CHPF2: variants seen among roughly 807,000 people sequenced by gnomAD.
CHPF2 encodes the protein chondroitin polymerizing factor 2, non-catalytic subunit.
A neutral mutation model predicts 63.0 loss-of-function variants in CHPF2; 58 were observed. That is an observed-to-expected ratio of 0.92 (90% CI 0.75 to 1.15). The LOEUF (loss-of-function observed/expected upper bound fraction) is 1.15. Among genes scored for constraint, CHPF2 ranks in the 50% most tolerant of loss-of-function variants. CHPF2 has a pLI of 0.00. For missense variants in CHPF2, 1,045 were observed against 1,035.4 expected (o/e 1.01, Z -0.13); for synonymous variants, 442 against 438.0 (o/e 1.01, Z -0.11).
rs1175407392 is a variant in CHPF2 at position 151,232,753 on chromosome 7, C to T, written c.-1259C>T. ...CTTGGGCGTCCCTCCTGGTCCTGCG[C>T]TCGCGGCCTCGATGCTGTCTCTGGC... On this transcript the variant is annotated 5_prime_UTR_variant, in exon 1 of 4. Transcript: ENST00000035307. 6.6e-7 allele frequency: 1 copy of T among 1,508,760 alleles called. No individual in the cohort carries two copies. Among genetic ancestry groups the T allele is most frequent in the South Asian group, 1.2e-5 (1 of 82,280 alleles). The allele number at this position is 1,508,760 out of a possible 1,614,324, so 93.5% of individuals were successfully genotyped here. A position where few individuals can be genotyped will look rare whatever the true frequency, so the allele number is the denominator to read the frequency against.
chr7:151,237,465 C>CT lies in CHPF2; in HGVS notation c.1104dup (p.Arg369SerfsTer3), dbSNP rs1563633322. 12 of 1,613,988 alleles carry CT rather than the reference C, an allele frequency of 7.4e-6. No individual in the cohort carries two copies. Among genetic ancestry groups the CT allele is most frequent in the Non-Finnish European group, 9.3e-6 (11 of 1,179,990 alleles). The stretch of plus-strand genomic sequence containing the variant: ...CTCCCTGCTCCTTTCACACCACACT[C>CT]TCGCTTTGAGGTGCTGGGCTGGGAC... On this transcript the variant is annotated frameshift_variant, in exon 4 of 4. Coordinates refer to ENST00000035307, the MANE Select transcript of CHPF2 (RefSeq NM_019015.3). LOFTEE classifies it high-confidence loss of function.
chr7:151,233,065 G>A lies in CHPF2; in HGVS notation c.-947G>A, dbSNP rs1584852215. On this transcript the variant is annotated 5_prime_UTR_variant, in exon 1 of 4. Coordinates refer to ENST00000035307, the MANE Select transcript of CHPF2 (RefSeq NM_019015.3). ...GGAAGCTGGCCGCGCTTCTGTTTGC[G>A]TTCCCAGGACCCTGGCATTGTCTCT... 2 of 1,254,630 alleles carry A rather than the reference G, an allele frequency of 1.6e-6. No individual in the cohort carries two copies. Among genetic ancestry groups the A allele is most frequent in the Admixed American group, 4.2e-5 (1 of 23,574 alleles). The allele number at this position is 1,254,630 out of a possible 1,614,324, so 77.7% of individuals were successfully genotyped here.
At position 151,234,157 on chromosome 7, in the gene CHPF2, G is replaced by C. The variant is rs765312140; in HGVS notation, c.146G>C (p.Arg49Pro). ...EDPCVEAVGERGGPQNPDSRA... is the reference protein window; with the variant it reads ...EDPCVEAVGEPGGPQNPDSRA... The stretch of plus-strand genomic sequence containing the variant: ...CCCTGTGTCGAGGCTGTAGGGGAGC[G>C]AGGAGGGCCACAGAATCCAGATTCC... The change falls in exon 1 of 4, where the codon CGA becomes CCA. Residue 49 changes from arginine to proline, a missense_variant. Arg to Pro is a moderately radical substitution (Grantham distance 103). Coordinates refer to ENST00000035307, the MANE Select transcript of CHPF2 (RefSeq NM_019015.3). 2 of 1,613,686 alleles carry C rather than the reference G, an allele frequency of 1.2e-6. No homozygotes were observed. The highest frequency in any genetic ancestry group is 1.7e-6 in the Non-Finnish European group (2 of 1,179,802).
chr7:151,232,544 C>T lies in CHPF2; in HGVS notation c.-1468C>T, dbSNP rs926976375. The T allele has an allele frequency of 8.4e-5, 43 of 512,432 alleles. No individual in the cohort carries two copies. The highest frequency in any genetic ancestry group is 7.9e-4 in the African/African-American group (39 of 49,166). The allele number at this position is 512,432 out of a possible 1,614,324, so 31.7% of individuals were successfully genotyped here. ...GGCTGCAGCGGCGGAGCCGGCGCCT[C>T]AGCGGGCACTGGGGTCTGTTCCCCC... On this transcript the variant is annotated 5_prime_UTR_variant, in exon 1 of 4. Coordinates refer to ENST00000035307, the MANE Select transcript of CHPF2 (RefSeq NM_019015.3).
At position 151,232,510 on chromosome 7, in the gene CHPF2, G is replaced by A. The variant is rs1475418830; in HGVS notation, c.-1502G>A. The A allele has an allele frequency of 2.0e-6, 1 of 500,924 alleles. No individual in the cohort carries two copies. The highest frequency in any genetic ancestry group is 3.7e-5 in the East Asian group (1 of 27,268). The allele number at this position is 500,924 out of a possible 1,614,324, so 31.0% of individuals were successfully genotyped here. A position where few individuals can be genotyped will look rare whatever the true frequency, so the allele number is the denominator to read the frequency against. On this transcript the variant is annotated 5_prime_UTR_variant, in exon 1 of 4. Coordinates refer to ENST00000035307, the MANE Select transcript of CHPF2 (RefSeq NM_019015.3). ...AGGAAGCTGCGGACAGGGGCTGTGA[G>A]GTGGCAGCGGCTGCAGCGGCGGAGC... is the stretch of plus-strand genomic sequence containing the variant.
In CHPF2 at chr7:151,238,591, C is replaced by T. The variant is rs765193187; in HGVS notation, c.2229C>T (p.His743=). 46 of 1,612,862 alleles carry T rather than the reference C, an allele frequency of 2.9e-5. No homozygotes were observed. Among genetic ancestry groups the T allele is most frequent in the Non-Finnish European group, 3.5e-5 (41 of 1,179,474 alleles). The change falls in exon 4 of 4, where the codon CAC becomes CAT. Residue 743 remains histidine (H), a synonymous_variant. Coordinates refer to ENST00000035307, the MANE Select transcript of CHPF2 (RefSeq NM_019015.3). ...CSPRLSEELY[H]RCRLSNLEGL... Reference sequence around the variant, plus strand: ...CACGGCTCAGTGAAGAACTCTACCACCGCTGCCGCCTCAGCAACCTGGAGG... The same window carrying T: ...CACGGCTCAGTGAAGAACTCTACCATCGCTGCCGCCTCAGCAACCTGGAGG...
At position 151,235,470 on chromosome 7, in the gene CHPF2, A is replaced by G. The variant is rs558834669; in HGVS notation, c.686A>G (p.Tyr229Cys). The change falls in exon 2 of 4, where the codon TAC becomes TGC. Residue 229 changes from tyrosine (Y) to cysteine (C), a missense_variant. Physicochemically the swap from Tyr to Cys is radical, Grantham distance 194. Coordinates refer to ENST00000035307, the MANE Select transcript of CHPF2 (RefSeq NM_019015.3). ...QARYCHGGFG[Y>C]LLSRSLLLRL... ...CGGTACTGTCATGGGGGCTTTGGCT[A>G]CCTGTTGTCACGGAGTCTCCTGCTT... 7 of 1,611,788 alleles carry G rather than the reference A, an allele frequency of 4.3e-6. No individual in the cohort carries two copies. The highest frequency in any genetic ancestry group is 1.7e-5 in the Admixed American group (1 of 60,030).
intron 2 of CHPF2, 43 bp downstream of exon 2, chr7:151,235,655 T>TG (rs1338856306): frequency 6.5e-7 from 1 of 1,535,654 alleles, no homozygotes; most frequent in African/African-American, 1.4e-5. Context: ...GATAAGCTAG[T>TG]GGGGGATGAG....
Position 151,237,469 on chromosome 7 carries a change from C to G in CHPF2, c.1107C>G (p.Arg369=). Residue 369 remains arginine (R), a synonymous_variant, in exon 4 of 4, where the codon CGC becomes CGG. Transcript: ENST00000035307. ...CTGCTCCTTTCACACCACACTCTCG[C>G]TTTGAGGTGCTGGGCTGGGACTACT... ...GLPAPFTPHS[R]FEVLGWDYFT... 1 of 1,614,002 alleles carries G rather than the reference C, an allele frequency of 6.2e-7. No individual in the cohort carries two copies. Among genetic ancestry groups the G allele is most frequent in the South Asian group, 1.1e-5 (1 of 91,086 alleles).
In CHPF2 at chr7:151,232,800, T is replaced by G; in HGVS notation, c.-1212T>G. 1.3e-6 allele frequency: 2 copies of G among 1,501,972 alleles called. No homozygotes were observed. Among genetic ancestry groups the G allele is most frequent in the Non-Finnish European group, 1.8e-6 (2 of 1,132,134 alleles). 93.0% of individuals were successfully genotyped at this position (1,501,972 alleles called of 1,614,324 possible). On this transcript the variant is annotated 5_prime_UTR_variant, in exon 1 of 4. Transcript: ENST00000035307. The stretch of plus-strand genomic sequence containing the variant: ...TGGCGCGGCCTCCGCTCCCGCCGAC[T>G]GGCCTGAGAACGAGGTCTGTGCCCC...
chr7:151,237,031 A>C, intron 3 of CHPF2: 1 of 556,066 alleles, frequency 1.8e-6, no homozygotes, highest in Non-Finnish European at 3.4e-6. Flanking sequence ...GGTGGAGTGT[A>C]GATGAAAACA....
rs1216090154 is a variant in CHPF2 at position 151,233,324 on chromosome 7, T to C, written c.-688T>C. 2.0e-6 allele frequency: 2 copies of C among 986,514 alleles called. No individual in the cohort carries two copies. The highest frequency in any genetic ancestry group is 1.7e-5 in the African/African-American group (1 of 57,268). 61.1% of individuals were successfully genotyped at this position (986,514 alleles called of 1,614,324 possible). A position where few individuals can be genotyped will look rare whatever the true frequency, so the allele number is the denominator to read the frequency against. ...CTACCTCATTCGGGTGGGCAGAACT[T>C]ATGTGTGCCATGCGAGTGGCTCCAG... On this transcript the variant is annotated 5_prime_UTR_variant, in exon 1 of 4. Transcript: ENST00000035307.
At chr7:151,236,372 T>C (rs369796447) in intron 2 of CHPF2, 36 bp from the exon 3 acceptor site, 6 of 1,527,224 alleles carry the variant, frequency 3.9e-6, no homozygotes, top group Non-Finnish European at 5.3e-6. Flanking sequence ...TGGCAGCTCT[T>C]GTGTGTGTCA....
rs1368015640 is a variant in CHPF2, at chr7:151,233,352, C to T, written c.-660C>T. The T allele has an allele frequency of 1.0e-6, 1 of 985,928 alleles. No individual in the cohort carries two copies. Among genetic ancestry groups the T allele is most frequent in the African/African-American group, 1.7e-5 (1 of 57,274 alleles). 61.1% of individuals were successfully genotyped at this position (985,928 alleles called of 1,614,324 possible). On this transcript the variant is annotated 5_prime_UTR_variant, in exon 1 of 4. Coordinates refer to ENST00000035307, the MANE Select transcript of CHPF2 (RefSeq NM_019015.3). ...GTGTGCCATGCGAGTGGCTCCAGAC[C>T]GCTCCTGAGTGGGAGGAGGGGTTCC...
Position 151,237,905 on chromosome 7 carries a change from C to CT in CHPF2, c.1544dup (p.Glu516GlyfsTer130), listed in dbSNP as rs1282417602. 1.2e-6 allele frequency: 2 copies of CT among 1,612,812 alleles called. No individual in the cohort carries two copies. The highest frequency in any genetic ancestry group is 8.5e-7 in the Non-Finnish European group (1 of 1,180,022). ...CCTCGAGGCCTTTGCAGCCAATGTCCTGGAGCCACGAGAACATGCATTGCT... is the reference window on the plus strand; with the variant it reads ...CCTCGAGGCCTTTGCAGCCAATGTCCTTGGAGCCACGAGAACATGCATTGCT... On this transcript the variant is annotated frameshift_variant, in exon 4 of 4. Transcript: ENST00000035307. LOFTEE classifies it high-confidence loss of function.
rs1802561006 is a variant in CHPF2, at chr7:151,234,233, C to T, written c.222C>T (p.Pro74=). 1 of 1,608,816 alleles carries T rather than the reference C, an allele frequency of 6.2e-7. No individual in the cohort carries two copies. The highest frequency in any genetic ancestry group is 8.5e-7 in the Non-Finnish European group (1 of 1,177,390). The change falls in exon 1 of 4, where the codon CCC becomes CCT. Residue 74 remains proline (P), a synonymous_variant. Coordinates refer to ENST00000035307, the MANE Select transcript of CHPF2 (RefSeq NM_019015.3). ...AAGACTTCAAACCCCGGATTGTCCC[C>T]TACTACAGGGACCCCAACAAGCCCT... ...SDEDFKPRIV[P]YYRDPNKPYK...
intron 2 of CHPF2, among the ~76,000 whole-genome samples, chr7:151,236,057 C>T (rs952490733): frequency 1.3e-5 from 2 of 152,184 alleles, no homozygotes; most frequent in Admixed American, 6.5e-5. Context: ...GATTTTCTGG[C>T]TTGTGTCATT....
At position 151,233,174 on chromosome 7, in the gene CHPF2, C is replaced by G. The variant is rs1475423641; in HGVS notation, c.-838C>G. On this transcript the variant is annotated 5_prime_UTR_variant, in exon 1 of 4. Transcript: ENST00000035307. Reference sequence around the variant, plus strand: ...TGGTAAAACCAGGCACCGAATCGCTCGCACACAGAGTTCCAGTCCCCGCCT... The same window carrying G: ...TGGTAAAACCAGGCACCGAATCGCTGGCACACAGAGTTCCAGTCCCCGCCT... 21 of 1,048,578 alleles carry G rather than the reference C, an allele frequency of 2.0e-5. No homozygotes were observed. Among genetic ancestry groups the G allele is most frequent in the Admixed American group, 1.1e-4 (2 of 18,012 alleles). The allele number at this position is 1,048,578 out of a possible 1,614,324, so 65.0% of individuals were successfully genotyped here.
chr7:151,235,164 A>G lies in CHPF2; in HGVS notation c.380A>G (p.His127Arg). The G allele has an allele frequency of 6.2e-7, 1 of 1,613,242 alleles. No homozygotes were observed. The highest frequency in any genetic ancestry group is 1.3e-5 in the African/African-American group (1 of 75,008). ...AVAVNRTVAH[H>R]FPRLLYFTGQ... is the part of the protein sequence containing the mutation. ...GCTGTGAACCGTACGGTGGCCCATC[A>G]CTTCCCTCGGTTACTCTACTTCACT... The change falls in exon 2 of 4, where the codon CAC becomes CGC. Residue 127 changes from histidine to arginine, a missense_variant. Physicochemically the swap from His to Arg is conservative, Grantham distance 29 (BLOSUM62 0). Transcript: ENST00000035307.
Sources: allele counts gnomAD v4.1 joint callset (sites outside exome capture counted in the v4.1 genomes callset), GRCh38; gene constraint gnomAD v4.1.1; transcripts MANE v1.5; gene names NCBI Gene and HGNC (gene_info 2026-07-23, HGNC 2026-07-21).